Variants in FAM13C observed in about 807,000 individuals in gnomAD.
FAM13C encodes family with sequence similarity 13 member C.
A neutral mutation model predicts 73.2 loss-of-function variants in FAM13C; 37 were observed. The ratio of observed to expected loss-of-function variants is 0.51; its 90% CI spans 0.39 to 0.67. The LOEUF is 0.67. Among genes scored for constraint, FAM13C ranks in the 30% least tolerant of loss-of-function variants. The pLI is 0.00. For synonymous variants in FAM13C, 246 were observed against 260.9 expected, an observed-to-expected ratio of 0.94 and a Z score of 0.55; for missense variants, 589 against 715.6, an observed-to-expected ratio of 0.82 and a Z score of 2.02.
intron 4 of FAM13C, among the ~76,000 whole-genome samples, chr10:59,320,962 G>T (rs1228480450): frequency 6.6e-6 from 1 of 152,230 alleles, no homozygotes; most frequent in East Asian, 1.9e-4. Context: ...GAGGTAGAAA[G>T]ACATTAGGAC....
At chr10:59,362,810 C>T (rs928398418), upstream of FAM13C, 9 of 341,204 alleles carry the variant, frequency 2.6e-5, no homozygotes, top group African/African-American at 1.7e-4. Context: ...CCAGCCACCC[C>T]CCGAGGCTGG....
intron 3 of FAM13C, among the ~76,000 whole-genome samples, chr10:59,345,658 T>C (rs576393864): frequency 6.6e-6 from 1 of 152,120 alleles, no homozygotes; most frequent in Non-Finnish European, 1.5e-5. Context: ...ACCCAAACAT[T>C]TGACTCAGCT....
chr10:59,341,926 T>C (rs1853573706), intron 3 of FAM13C, among the ~76,000 whole-genome samples: 1 of 152,216 alleles, frequency 6.6e-6, no homozygotes, highest in African/African-American at 2.4e-5. Flanking sequence ...CCTGTGACAC[T>C]AGCCTCAGTC....
chr10:59,254,046 A>G (rs1312828748), intron 11 of FAM13C: 1 of 346,638 alleles, frequency 2.9e-6, no homozygotes, highest in Non-Finnish European at 5.2e-6. Context: ...GTTACAAATT[A>G]GAAAATGCCA....
Position 59,355,919 on chromosome 10 carries a change from T to C in FAM13C, c.87A>G (p.Leu29=). The change falls in exon 2 of 14, where the codon CTA becomes CTG. Residue 29 remains leucine, a synonymous_variant. Coordinates refer to ENST00000618804, the MANE Select transcript of FAM13C (RefSeq NM_198215.4). ...TGGAGCAATCAGTCTGGTCTTCATGTAGAGAGACTGGATCTTCGTCACACC... is the reference window on the plus strand; with the variant it reads ...TGGAGCAATCAGTCTGGTCTTCATGCAGAGAGACTGGATCTTCGTCACACC... ...VTECDEDPVS[L]HEDQTDCSSL... The C allele has an allele frequency of 6.2e-7, 1 of 1,614,016 alleles. No homozygotes were observed. The highest frequency in any genetic ancestry group is 1.1e-5 in the South Asian group (1 of 91,070).
At chr10:59,252,730 C>T in intron 12 of FAM13C, 69 bp downstream of exon 12, 1 of 1,505,814 alleles carries the variant, frequency 6.6e-7, no homozygotes, top group African/African-American at 1.4e-5. Context: ...AAGGCCAGCT[C>T]TACTTCATAT....
At chr10:59,351,741 C>A (rs1424432530) in intron 3 of FAM13C, among the ~76,000 whole-genome samples, 1 of 152,162 alleles carries the variant, frequency 6.6e-6, no homozygotes, top group Non-Finnish European at 1.5e-5. Flanking sequence ...CACGCCTGTT[C>A]GCAGCACTTT....
intron 1 of FAM13C, among the ~76,000 whole-genome samples, chr10:59,359,946 A>C (rs1856193373): frequency 6.6e-6 from 1 of 152,246 alleles, no homozygotes; most frequent in Admixed American, 6.5e-5. Context: ...TTGACCATGG[A>C]AAAATATTAG....
intron 5 of FAM13C, among the ~76,000 whole-genome samples, chr10:59,286,317 C>A (rs1845544028): frequency 6.6e-6 from 1 of 151,746 alleles, no homozygotes; most frequent in South Asian, 2.1e-4. Flanking sequence ...GAGGTTGAGA[C>A]CAGGCTGGCT....
chr10:59,262,304 C>CTGCTCGTGGCCAGTAACCT, intron 10 of FAM13C, 130 bp downstream of exon 10: 2 of 757,364 alleles, frequency 2.6e-6, no homozygotes, highest in Non-Finnish European at 2.1e-6. Flanking sequence ...GTCAGGAACT[C>CTGCTCGTGGCCAGTAACCT]ATCTGAAATT....
At chr10:59,251,392 C>T in intron 13 of FAM13C, 183 bp downstream of exon 13, 1 of 605,928 alleles carries the variant, frequency 1.7e-6, no homozygotes, top group Non-Finnish European at 2.9e-6. Context: ...TACCATGTCC[C>T]ATGAAACATC....
At chr10:59,251,782 G>A in intron 12 of FAM13C, 106 bp from the exon 13 acceptor site, 1 of 831,450 alleles carries the variant, frequency 1.2e-6, no homozygotes, top group South Asian at 1.9e-5. Context: ...ATTGAAAAGT[G>A]TTCCCATCAT....
intron 4 of FAM13C, among the ~76,000 whole-genome samples, chr10:59,307,431 G>A (rs1848385603): frequency 6.6e-6 from 1 of 152,202 alleles, no homozygotes. Flanking sequence ...TACTACCCCA[G>A]AGTGGGTCTT....
At chr10:59,335,731 C>G (rs1852633427) in intron 3 of FAM13C, among the ~76,000 whole-genome samples, 1 of 152,172 alleles carries the variant, frequency 6.6e-6, no homozygotes, top group Non-Finnish European at 1.5e-5. Context: ...GGGGTCAAGT[C>G]CACAGGGGAT....
intron 10 of FAM13C, among the ~76,000 whole-genome samples, chr10:59,259,341 ATT>A (rs1842252851): frequency 6.6e-6 from 1 of 152,124 alleles, no homozygotes; most frequent in Non-Finnish European, 1.5e-5. Context: ...TATTTAATGC[ATT>A]TTCAGCAGTA....
chr10:59,319,240 C>CA (rs1383965335), intron 4 of FAM13C, among the ~76,000 whole-genome samples: 2 of 152,092 alleles, frequency 1.3e-5, no homozygotes, highest in Non-Finnish European at 2.9e-5. Flanking sequence ...TCTGGAATGT[C>CA]AAAAAATAGT....
At chr10:59,284,028 G>GGTGTGTGTGT (rs1419838075) in intron 5 of FAM13C, among the ~76,000 whole-genome samples, 4 of 131,432 alleles carry the variant, frequency 3.0e-5, no homozygotes, top group African/African-American at 1.3e-4. Flanking sequence ...GGTATGCTGG[G>GGTGTGTGTGT]GTATGTGTGT....
chr10:59,344,957 G>A (rs1012538005), intron 3 of FAM13C, among the ~76,000 whole-genome samples: 12 of 152,074 alleles, frequency 7.9e-5, no homozygotes, highest in South Asian at 6.2e-4. Context: ...TCTATGTGTC[G>A]GTAGATCTTG....
chr10:59,299,704 G>A lies in FAM13C; in HGVS notation c.507+3097C>T, dbSNP rs186470418. On this transcript the variant is annotated intron_variant, in intron 5 of 13. Transcript: ENST00000618804. ...TTATGATTACATGGACTGGCAGACT[G>A]ACTAAGACCAAGGATTAAGGTGGAT... is the stretch of plus-strand genomic sequence containing the variant. Among the ~76,000 whole-genome samples, 7 of 152,124 alleles carry A rather than the reference G, an allele frequency of 4.6e-5. No individual in the cohort carries two copies. In the East Asian group the frequency reaches 1.4e-3, roughly 29 times the overall value.
Sources: gnomAD v4.1 joint callset for allele counts (sites outside exome capture counted in the v4.1 genomes callset) on GRCh38, gnomAD v4.1.1 for gene constraint, MANE v1.5 for transcripts, NCBI Gene and HGNC (gene_info 2026-07-23, HGNC 2026-07-21) for gene names.